The following CRISPLD2 variants were observed in gnomAD, a reference collection of about 807,000 sequenced individuals.
CRISPLD2 encodes cysteine-rich secretory protein LCCL domain-containing 2.
A neutral mutation model predicts 71.1 loss-of-function variants in CRISPLD2; 47 were observed. The observed-to-expected ratio is 0.66, with a 90% confidence interval of 0.52 to 0.84. The LOEUF is 0.84. Ranked by LOEUF, CRISPLD2 falls within the 40% of genes least tolerant of loss-of-function variation. The pLI, the probability that CRISPLD2 is intolerant of heterozygous loss-of-function variation, is 0.00. For synonymous variants in CRISPLD2, 317 were observed against 250.1 expected, an observed-to-expected ratio of 1.27 and a Z score of -2.52; for missense variants, 830 against 651.1, an observed-to-expected ratio of 1.27 and a Z score of -2.99.
chr16:84,868,508 A>T (rs1206890738), intron 7 of CRISPLD2, among the ~76,000 whole-genome samples: 1 of 152,136 alleles, frequency 6.6e-6, no homozygotes, highest in Admixed American at 6.5e-5. Context: ...CCACAGGCAC[A>T]TCGTGTGTGC....
At chr16:84,848,833 A>G (rs1050887416) in intron 3 of CRISPLD2, among the ~76,000 whole-genome samples, 1 of 152,086 alleles carries the variant, frequency 6.6e-6, no homozygotes, top group Non-Finnish European at 1.5e-5. Flanking sequence ...TCTCCAACGT[A>G]CCTGAAAATA....
At chr16:84,889,957 A>G (rs989917461) in intron 14 of CRISPLD2, among the ~76,000 whole-genome samples, 2 of 152,114 alleles carry the variant, frequency 1.3e-5, no homozygotes, top group African/African-American at 4.8e-5. Flanking sequence ...AAGCCACCTG[A>G]TTTCCTTGAG....
chr16:84,841,473 G>A (rs1169607679), intron 2 of CRISPLD2, among the ~76,000 whole-genome samples: 2 of 152,132 alleles, frequency 1.3e-5, no homozygotes, highest in Admixed American at 6.5e-5. Flanking sequence ...GGGCTTTGAG[G>A]CTAGGTGAGG....
intron 13 of CRISPLD2, among the ~76,000 whole-genome samples, chr16:84,884,489 G>A (rs923351745): frequency 1.3e-5 from 2 of 152,328 alleles, no homozygotes; most frequent in Admixed American, 6.5e-5. Flanking sequence ...ACAGCCAGCC[G>A]GCGCTGGATG....
intron 14 of CRISPLD2, among the ~76,000 whole-genome samples, chr16:84,892,996 A>G (rs1300989335): frequency 1.3e-5 from 2 of 151,566 alleles, no homozygotes; most frequent in Non-Finnish European, 2.9e-5. Context: ...AAAAAAAAAA[A>G]AAGTCACTCA....
chr16:84,831,686 G>A (rs1916492634), intron 1 of CRISPLD2, among the ~76,000 whole-genome samples: 1 of 152,092 alleles, frequency 6.6e-6, no homozygotes, highest in Non-Finnish European at 1.5e-5. Context: ...GATTATAGAT[G>A]TGAGTCACCG....
At chr16:84,861,277 C>T (rs1289475728) in intron 6 of CRISPLD2, among the ~76,000 whole-genome samples, 4 of 152,072 alleles carry the variant, frequency 2.6e-5, no homozygotes, top group Non-Finnish European at 5.9e-5. Flanking sequence ...ACTCCTGGTA[C>T]CAAAATCTGT....
intron 3 of CRISPLD2, 67 bp from the exon 4 acceptor site, chr16:84,849,318 C>A: frequency 6.8e-7 from 1 of 1,480,026 alleles, no homozygotes; most frequent in Non-Finnish European, 9.2e-7. Context: ...CTGCCCGTGG[C>A]TGCTGCTGTC....
intron 7 of CRISPLD2, among the ~76,000 whole-genome samples, chr16:84,868,225 A>T (rs1409628314): frequency 6.6e-6 from 1 of 152,194 alleles, no homozygotes; most frequent in Non-Finnish European, 1.5e-5. Context: ...TTGACCAGGA[A>T]ACCTGCGGAG....
At chr16:84,850,464 C>G in intron 4 of CRISPLD2, 104 bp from the exon 5 acceptor site, 1 of 860,772 alleles carries the variant, frequency 1.2e-6, no homozygotes, top group Non-Finnish European at 2.0e-6. Flanking sequence ...CAACCCTTCA[C>G]CTCGTACCTC....
intron 12 of CRISPLD2, among the ~76,000 whole-genome samples, chr16:84,878,412 C>G (rs1349169032): frequency 2.0e-5 from 3 of 152,170 alleles, no homozygotes; most frequent in African/African-American, 4.8e-5. Context: ...TTTGCTTTTT[C>G]AGCAAAATTA....
In CRISPLD2 at chr16:84,906,727, T is replaced by C. The variant is rs748352709; in HGVS notation, c.*85T>C. On this transcript the variant is annotated 3_prime_UTR_variant, in exon 15 of 15. Coordinates refer to ENST00000262424, the MANE Select transcript of CRISPLD2 (RefSeq NM_031476.4). ...TTTTATTTTGTCATTGCGGGGTATA[T>C]GGAGAGTCAGGAAACTTCCTTTGAC... The C allele has an allele frequency of 2.0e-6, 3 of 1,489,506 alleles. No individual in the cohort carries two copies. The highest frequency in any genetic ancestry group is 1.9e-6 in the Non-Finnish European group (2 of 1,067,244). The allele number at this position is 1,489,506 out of a possible 1,614,324, so 92.3% of individuals were successfully genotyped here. A position where few individuals can be genotyped will look rare whatever the true frequency, so the allele number is the denominator to read the frequency against.
intron 14 of CRISPLD2, among the ~76,000 whole-genome samples, chr16:84,893,147 C>A (rs897462028): frequency 6.6e-6 from 1 of 152,082 alleles, no homozygotes; most frequent in Non-Finnish European, 1.5e-5. Context: ...GCCCGCTGCA[C>A]TGGGGACACT....
intron 1 of CRISPLD2, among the ~76,000 whole-genome samples, chr16:84,831,226 C>T (rs1916480836): frequency 6.6e-6 from 1 of 152,162 alleles, no homozygotes; most frequent in Non-Finnish European, 1.5e-5. Flanking sequence ...GTGTGAATCA[C>T]CAAATACATT....
intron 1 of CRISPLD2, among the ~76,000 whole-genome samples, chr16:84,827,067 C>T (rs1008074741): frequency 7.2e-5 from 11 of 152,134 alleles, no homozygotes; most frequent in African/African-American, 1.7e-4. Context: ...TTTCACAAAG[C>T]GCCGTAGCCC....
chr16:84,850,193 C>T (rs1022044045), intron 4 of CRISPLD2, among the ~76,000 whole-genome samples: 5 of 151,744 alleles, frequency 3.3e-5, no homozygotes, highest in East Asian at 1.9e-4. Flanking sequence ...TGGGTTCAAG[C>T]GATTCGCCTG....
At chr16:84,861,854 C>T (rs949019580) in intron 6 of CRISPLD2, among the ~76,000 whole-genome samples, 8 of 152,134 alleles carry the variant, frequency 5.3e-5, no homozygotes, top group Non-Finnish European at 1.2e-4. Context: ...CGCTTGAGTC[C>T]AGGAGTTTGA....
rs1014073717 is a variant in CRISPLD2 at position 84,833,021 on chromosome 16, C to T, written c.-74-5401C>T. Among the ~76,000 whole-genome samples the T allele has an allele frequency of 1.3e-5, 2 of 152,318 alleles. 1 individual carries two copies. Among genetic ancestry groups the T allele is most frequent in the South Asian group, 4.1e-4 (2 of 4,822 alleles). On this transcript the variant is annotated intron_variant, in intron 1 of 14. Coordinates refer to ENST00000262424, the MANE Select transcript of CRISPLD2 (RefSeq NM_031476.4). ...AGTGCAAACAAGCTGTGTTGAAAGT[C>T]CTCCAAACTTTTGGCAAGTTTGAGT...
intron 3 of CRISPLD2, among the ~76,000 whole-genome samples, chr16:84,846,978 T>C (rs1203701230): frequency 4.6e-5 from 7 of 152,186 alleles, no homozygotes; most frequent in African/African-American, 7.2e-5. Context: ...TGGAAAAATG[T>C]CTTTTGACCA....
Sources: gnomAD v4.1 joint callset for allele counts (sites outside exome capture counted in the v4.1 genomes callset) on GRCh38, gnomAD v4.1.1 for gene constraint, MANE v1.5 for transcripts, NCBI Gene and HGNC (gene_info 2026-07-23, HGNC 2026-07-21) for gene names.